XPNPEP2: variants seen among roughly 807,000 people sequenced by gnomAD.
The protein encoded by XPNPEP2 is xaa-Pro aminopeptidase 2.
A neutral mutation model predicts 59.8 loss-of-function variants in XPNPEP2; 64 were observed. That is an observed-to-expected ratio of 1.07 (90% CI 0.87 to 1.32). The LOEUF (loss-of-function observed/expected upper bound fraction) is 1.32. XPNPEP2 is among the 40% of genes most tolerant of loss of function. The pLI, the probability that XPNPEP2 is intolerant of heterozygous loss-of-function variation, is 0.00. For missense variants in XPNPEP2, 575 were observed against 546.8 expected (o/e 1.05, Z -0.51); for synonymous variants, 235 against 210.0 (o/e 1.12, Z -1.03).
intron 2 of XPNPEP2, among the ~76,000 whole-genome samples, chrX:129,742,702 G>A (rs1926217008): frequency 9.0e-6 from 1 of 111,002 alleles, no homozygotes; most frequent in South Asian, 3.8e-4. Flanking sequence ...AGGAGTTCGA[G>A]ACCAGCCTGG....
intron 8 of XPNPEP2, among the ~76,000 whole-genome samples, 154 bp from the exon 9 acceptor site, chrX:129,751,591 A>AAAGG (rs1926411631): frequency 1.8e-5 from 1 of 54,762 alleles, no homozygotes; most frequent in Non-Finnish European, 3.3e-5. Context: ...AGAAAGAAAG[A>AAAGG]AAGAAAGGAA....
At chrX:129,756,200 TG>T (rs1926514546) in intron 13 of XPNPEP2, among the ~76,000 whole-genome samples, 1 of 112,241 alleles carries the variant, frequency 8.9e-6, no homozygotes, top group East Asian at 2.8e-4. Context: ...ACAGCTGAGC[TG>T]GGGGGTCTCT....
chrX:129,748,122 A>C (rs1371736211), intron 7 of XPNPEP2, among the ~76,000 whole-genome samples: 1 of 112,233 alleles, frequency 8.9e-6, no homozygotes, highest in Non-Finnish European at 1.9e-5. Flanking sequence ...GCAGAGACTG[A>C]TCCATAATGA....
chrX:129,739,266 T>C lies in XPNPEP2; in HGVS notation c.49+4T>C, dbSNP rs769087710. On this transcript the variant is annotated splice_donor_region_variant and intron_variant, in intron 1 of 20. Coordinates refer to ENST00000371106, the MANE Select transcript of XPNPEP2 (RefSeq NM_003399.6). ...CCCTGGCTGGTCCTCCTCTGTGGTA[T>C]GTGCATCCTAGCTTCCACTGGAAGG... The C allele has an allele frequency of 2.7e-5, 32 of 1,206,712 alleles. No individual in the cohort carries two copies. Among genetic ancestry groups the C allele is most frequent in the East Asian group, 2.1e-4 (7 of 33,719 alleles).
At chrX:129,743,481 C>T (rs7052011) in intron 2 of XPNPEP2, among the ~76,000 whole-genome samples, 2,302 of 112,418 alleles carry the variant, frequency 0.02, 46 homozygotes, top group African/African-American at 0.069. Flanking sequence ...TGCAAGTATG[C>T]CCCAAATTGT....
chrX:129,743,564 G>A (rs1266697145), intron 2 of XPNPEP2, among the ~76,000 whole-genome samples: 1 of 112,632 alleles, frequency 8.9e-6, no homozygotes, highest in Admixed American at 9.3e-5. Flanking sequence ...AACTAGGTGA[G>A]TGTCCTGTAT....
chrX:129,768,307 GCTACTAC>G lies in XPNPEP2; in HGVS notation c.1849_1855del (p.Tyr617ArgfsTer17). 12 of 1,178,360 alleles carry G rather than the reference GCTACTAC, an allele frequency of 1.0e-5. No individual in the cohort carries two copies. Among genetic ancestry groups the G allele is most frequent in the Non-Finnish European group, 1.4e-5 (12 of 881,361 alleles). On this transcript the variant is annotated frameshift_variant, in exon 21 of 21. Coordinates refer to ENST00000371106, the MANE Select transcript of XPNPEP2 (RefSeq NM_003399.6). LOFTEE classifies it low-confidence loss of function (END_TRUNC). Reference sequence around the variant, plus strand: ...CCTTCGCAGCTCCAGTACCTGAATCGCTACTACCAGACCATCCGGGAGAAGGTGGGTC... The same window carrying G: ...CCTTCGCAGCTCCAGTACCTGAATCGCAGACCATCCGGGAGAAGGTGGGTC...
chrX:129,759,255 A>T lies in XPNPEP2; in HGVS notation c.1428+15A>T. 8.3e-7 allele frequency: 1 copy of T among 1,211,405 alleles called. No homozygotes were observed. The highest frequency in any genetic ancestry group is 1.1e-6 in the Non-Finnish European group (1 of 895,043). ...CCTTCCAGAAGGTAAGCATGGGCCCAGATTTCCCCTCACCACCTTCCCCCA... is the reference window on the plus strand; with the variant it reads ...CCTTCCAGAAGGTAAGCATGGGCCCTGATTTCCCCTCACCACCTTCCCCCA... On this transcript the variant is annotated intron_variant, in intron 15 of 20. Transcript: ENST00000371106.
At position 129,747,678 on chromosome X, in the gene XPNPEP2, G is replaced by C; in HGVS notation, c.562G>C (p.Val188Leu). The C allele has an allele frequency of 3.3e-6, 4 of 1,212,042 alleles. No individual in the cohort carries two copies. The highest frequency in any genetic ancestry group is 4.5e-6 in the Non-Finnish European group (4 of 895,615). Residue 188 changes from valine to leucine, a missense_variant, in exon 7 of 21, where the codon GTG (valine) becomes CTG (leucine). Val to Leu is a conservative substitution (Grantham distance 32, BLOSUM62 1). Coordinates refer to ENST00000371106, the MANE Select transcript of XPNPEP2 (RefSeq NM_003399.6). Reference protein sequence around the residue: ...RQLVSITTNLVDLVWGSERPP... With the variant: ...RQLVSITTNLLDLVWGSERPP... ...GCTGGTGTCCATCACAACCAATCTT[G>C]TGGACCTGGTATGGGGATCAGAGAG...
chrX:129,741,736 C>T (rs1186059794), intron 1 of XPNPEP2, among the ~76,000 whole-genome samples: 9 of 112,036 alleles, frequency 8.0e-5, no homozygotes, highest in Admixed American at 4.7e-4. Flanking sequence ...GATTATTTAG[C>T]GTGATCTTCT....
rs944196834 is a variant in XPNPEP2, at chrX:129,756,292, G to A, written c.1296-192G>A. ...CCAGGGCCTGGCTCAGCCAGGTGCA[G>A]GATTAACAGACGTGTGCTGAGGACA... On this transcript the variant is annotated intron_variant, in intron 13 of 20. Transcript: ENST00000371106. 3.6e-5 allele frequency among the ~76,000 whole-genome samples: 4 copies of A among 111,457 alleles called. No individual in the cohort carries two copies. The Admixed American group carries it at 3.8e-4, about 10-fold the overall frequency.
intron 19 of XPNPEP2, among the ~76,000 whole-genome samples, chrX:129,764,511 C>T (rs749383077): frequency 2.8e-3 from 308 of 109,088 alleles, no homozygotes; most frequent in African/African-American, 8.0e-3. Flanking sequence ...CAAAATTAGC[C>T]GGGTGTGGTG....
intron 20 of XPNPEP2, among the ~76,000 whole-genome samples, chrX:129,767,971 G>A (rs1451746489): frequency 8.9e-6 from 1 of 111,811 alleles, no homozygotes; most frequent in East Asian, 2.8e-4. Flanking sequence ...AACTATAAGT[G>A]ATCCCTTCTA....
intron 19 of XPNPEP2, among the ~76,000 whole-genome samples, chrX:129,765,604 G>A (rs1428626494): frequency 1.0e-5 from 1 of 98,911 alleles, no homozygotes; most frequent in Non-Finnish European, 2.1e-5. Flanking sequence ...TTGTTGTTTT[G>A]ACTTGTATTT....
At position 129,745,187 on chromosome X, in the gene XPNPEP2, G is replaced by A. The variant is rs1926270443; in HGVS notation, c.235-16G>A. 1 of 1,209,455 alleles carries A rather than the reference G, an allele frequency of 8.3e-7. No individual in the cohort carries two copies. Among genetic ancestry groups the A allele is most frequent in the African/African-American group, 1.8e-5 (1 of 56,985 alleles). ...TACCACGAAAAAGGCTAATGATGGT[G>A]TTGTTGATTTCCTAGAACGAGTACA... On this transcript the variant is annotated splice_polypyrimidine_tract_variant and intron_variant, in intron 3 of 20. Coordinates refer to ENST00000371106, the MANE Select transcript of XPNPEP2 (RefSeq NM_003399.6).
Position 129,745,183 on chromosome X carries a change from T to G in XPNPEP2, c.235-20T>G. On this transcript the variant is annotated intron_variant, in intron 3 of 20. Transcript: ENST00000371106. ...CTGATACCACGAAAAAGGCTAATGA[T>G]GGTGTTGTTGATTTCCTAGAACGAG... is the stretch of plus-strand genomic sequence containing the variant. 8.3e-7 allele frequency: 1 copy of G among 1,210,863 alleles called. No individual in the cohort carries two copies. Among genetic ancestry groups the G allele is most frequent in the Non-Finnish European group, 1.1e-6 (1 of 894,972 alleles).
rs766424083 is a variant in XPNPEP2, at chrX:129,767,609, G to A, written c.1747G>A (p.Gly583Arg). 8.3e-6 allele frequency: 10 copies of A among 1,209,673 alleles called. No individual in the cohort carries two copies. Among genetic ancestry groups the A allele is most frequent in the Non-Finnish European group, 1.1e-5 (10 of 894,973 alleles). The part of the protein sequence containing the change: ...LVVEAKTKYP[G>R]SYLTFEVVSF... ...TTCTATTCTGGGCTCCCAGTACCCAGGGAGCTACCTGACCTTTGAAGTGGT... is the reference window on the plus strand; with the variant it reads ...TTCTATTCTGGGCTCCCAGTACCCAAGGAGCTACCTGACCTTTGAAGTGGT... The change falls in exon 20 of 21, where the codon GGG becomes AGG. Residue 583 changes from glycine to arginine, a missense_variant. Physicochemically the swap from Gly to Arg is moderately radical, Grantham distance 125. Coordinates refer to ENST00000371106, the MANE Select transcript of XPNPEP2 (RefSeq NM_003399.6).
At chrX:129,767,786 G>T (rs1181705453) in intron 20 of XPNPEP2, 94 bp downstream of exon 20, 1 of 957,638 alleles carries the variant, frequency 1.0e-6, no homozygotes. Context: ...CCCTCCTCCA[G>T]GAGGGTCCAC....
rs142832297 is a variant in XPNPEP2 at position 129,768,368 on chromosome X, G to A, written c.1908G>A (p.Glu636=). 146 of 1,208,097 alleles carry A rather than the reference G, an allele frequency of 1.2e-4. 1 individual carries two copies. The African/African-American group carries it at 2.4e-3, about 19-fold the overall frequency. The change falls in exon 21 of 21, where the codon GAG becomes GAA. Residue 636 remains glutamate, a synonymous_variant. Coordinates refer to ENST00000371106, the MANE Select transcript of XPNPEP2 (RefSeq NM_003399.6). The part of the protein sequence containing the change: ...GPELQRRQLL[E]EFEWLQQHTE... ...AGCTGCAGAGGCGCCAGCTACTAGA[G>A]GAGTTCGAGTGGCTTCAACAGCACA...
Sources: allele counts gnomAD v4.1 joint callset (sites outside exome capture counted in the v4.1 genomes callset), GRCh38; gene constraint gnomAD v4.1.1; transcripts MANE v1.5; gene names NCBI Gene and HGNC (gene_info 2026-07-23, HGNC 2026-07-21).